Variants in TRIM5 observed in about 807,000 individuals in gnomAD.
TRIM5 encodes the protein tripartite motif-containing protein 5.
TRIM5 carries 31 observed loss-of-function variants against 35.6 expected under a neutral mutation model. That is an observed-to-expected ratio of 0.87 (90% confidence interval 0.65 to 1.18). TRIM5 has a LOEUF of 1.18. Among genes scored for constraint, TRIM5 ranks in the 50% most tolerant of loss-of-function variants. The probability of loss-of-function intolerance (pLI) is 0.00; values close to 1 mark genes in which losing one functional copy is unlikely to be tolerated. For synonymous variants in TRIM5, 243 were observed against 215.6 expected (o/e 1.13, Z -1.11); for missense variants, 609 against 591.6 (o/e 1.03, Z -0.31).
chr11:5,634,950 T>C, the TRIM5 span: 20 of 1,397,750 alleles, frequency 1.4e-5, no homozygotes, highest in Non-Finnish European at 1.8e-5. Context: ...ACTAAGGGGT[T>C]TCTTTGGCCT....
rs1851030716 is a variant in TRIM5 at position 5,665,143 on chromosome 11, G to C, written c.1148C>G (p.Ala383Gly). 1 of 1,613,986 alleles carries C rather than the reference G, an allele frequency of 6.2e-7. No homozygotes were observed. The highest frequency in any genetic ancestry group is 1.1e-5 in the South Asian group (1 of 91,066). ...TTCATTTTTTTCAATATTACACATT[G>C]CATCAGGTTGGAAGCCAGCACATAC... is the stretch of plus-strand genomic sequence containing the variant. ...LGVCAGFQPD[A>G]MCNIEKNENY... The change falls in exon 8 of 8, where the codon GCA (alanine) becomes GGA (glycine). Residue 383 changes from alanine (A) to glycine (G), a missense_variant. Transcript: ENST00000380034.
the TRIM5 span, among the ~76,000 whole-genome samples, chr11:5,593,227 AAGC>A: frequency 6.6e-6 from 1 of 152,234 alleles, no homozygotes; most frequent in Non-Finnish European, 1.5e-5. Flanking sequence ...CTGAATTCTC[AAGC>A]ATAAACTACC....
chr11:5,632,953 A>C, the TRIM5 span, among the ~76,000 whole-genome samples: 1 of 148,650 alleles, frequency 6.7e-6, no homozygotes, highest in East Asian at 2.0e-4. Flanking sequence ...CAGCCTCCCA[A>C]GTAGCTCGGA....
the TRIM5 span, among the ~76,000 whole-genome samples, chr11:5,638,845 A>C: frequency 6.6e-6 from 1 of 152,114 alleles, no homozygotes; most frequent in Non-Finnish European, 1.5e-5. Context: ...AAGGGAGTTT[A>C]TTTTTGCAAC....
At chr11:5,610,261 G>A in the TRIM5 span, 1 of 1,613,948 alleles carries the variant, frequency 6.2e-7, no homozygotes, top group Non-Finnish European at 8.5e-7. Flanking sequence ...GAGATTCAGG[G>A]GAAAGAGTTT....
chr11:5,660,717 T>G (rs961145955), downstream of TRIM5, among the ~76,000 whole-genome samples: 1 of 151,976 alleles, frequency 6.6e-6, no homozygotes, highest in African/African-American at 2.4e-5. Context: ...AATGGTGGTG[T>G]TGGAGTATGG....
intron 4 of TRIM5, among the ~76,000 whole-genome samples, chr11:5,669,404 G>A (rs1312297447): frequency 6.6e-6 from 1 of 152,088 alleles, no homozygotes; most frequent in African/African-American, 2.4e-5. Flanking sequence ...ATGGTTTTAG[G>A]TAATCTACTC....
chr11:5,651,609 T>G, the TRIM5 span, among the ~76,000 whole-genome samples: 480 of 152,344 alleles, frequency 3.2e-3, 2 homozygotes, highest in Non-Finnish European at 5.9e-3. Context: ...AATGTACAGG[T>G]GCATGTGTCT....
chr11:5,607,506 CG>C, the TRIM5 span, among the ~76,000 whole-genome samples: 286 of 152,210 alleles, frequency 1.9e-3, no homozygotes, highest in Middle Eastern at 3.4e-3. Flanking sequence ...AGCTTTTCTT[CG>C]GGGTCATTGA....
the TRIM5 span, among the ~76,000 whole-genome samples, chr11:5,639,625 A>G: frequency 1.4e-5 from 2 of 138,630 alleles, no homozygotes; most frequent in African/African-American, 5.3e-5. Context: ...GGTTGCAGCG[A>G]GCCAAGTTCG....
the TRIM5 span, among the ~76,000 whole-genome samples, chr11:5,629,498 C>T: frequency 6.6e-6 from 1 of 152,170 alleles, no homozygotes; most frequent in Admixed American, 6.5e-5. Context: ...CTCACAGTTT[C>T]TTGTCTAAAC....
intron 4 of TRIM5, among the ~76,000 whole-genome samples, chr11:5,669,655 T>C (rs1440379366): frequency 1.3e-5 from 2 of 152,222 alleles, no homozygotes; most frequent in African/African-American, 4.8e-5. Context: ...AAAGGGTAAT[T>C]ACAATTTCAG....
chr11:5,654,227 TTTTG>T, the TRIM5 span, among the ~76,000 whole-genome samples: 2 of 152,166 alleles, frequency 1.3e-5, no homozygotes, highest in Non-Finnish European at 2.9e-5. Flanking sequence ...TTCTTGCTTT[TTTTG>T]TTTCTTTTGT....
At chr11:5,594,476 TTTAC>T in the TRIM5 span, among the ~76,000 whole-genome samples, 1 of 151,860 alleles carries the variant, frequency 6.6e-6, no homozygotes, top group African/African-American at 2.4e-5. Flanking sequence ...TGCCTGGCAA[TTTAC>T]TTATTTTTTT....
the TRIM5 span, chr11:5,610,165 G>A: frequency 4.3e-6 from 7 of 1,614,106 alleles, no homozygotes; most frequent in South Asian, 6.6e-5. Flanking sequence ...TGGACCCTGA[G>A]GAAGCCAGAA....
At chr11:5,683,947 CT>C in intron 1 of TRIM5, 1 of 152,366 alleles carries the variant, frequency 6.6e-6, no homozygotes, top group East Asian at 1.9e-4. Context: ...ACTGCTCACT[CT>C]TTGGGTCCAC....
chr11:5,638,736 G>GT, the TRIM5 span, among the ~76,000 whole-genome samples: 1 of 152,144 alleles, frequency 6.6e-6, no homozygotes, highest in Non-Finnish European at 1.5e-5. Context: ...TACTGGTGCC[G>GT]TTTTTTCTTC....
the TRIM5 span, among the ~76,000 whole-genome samples, chr11:5,639,402 C>T: frequency 2.0e-5 from 3 of 151,892 alleles, no homozygotes; most frequent in East Asian, 1.9e-4. Context: ...GATTGGAGGC[C>T]AGGCGCGGTG....
At chr11:5,620,785 G>A in the TRIM5 span, among the ~76,000 whole-genome samples, 1 of 152,132 alleles carries the variant, frequency 6.6e-6, no homozygotes, top group African/African-American at 2.4e-5. Context: ...TTAAGTGAGA[G>A]GCTCTGGTAG....
Sources: gnomAD v4.1 joint callset for allele counts (sites outside exome capture counted in the v4.1 genomes callset) on GRCh38, gnomAD v4.1.1 for gene constraint, MANE v1.5 for transcripts, NCBI Gene and HGNC (gene_info 2026-07-23, HGNC 2026-07-21) for gene names.